PRTG: variants seen among roughly 807,000 people sequenced by gnomAD.
The protein encoded by PRTG is protogenin.
A neutral mutation model predicts 122.5 loss-of-function variants in PRTG; 67 were observed. The ratio of observed to expected loss-of-function variants is 0.55; its 90% CI spans 0.45 to 0.67. The LOEUF (loss-of-function observed/expected upper bound fraction) is 0.67, where lower values mean the gene tolerates loss of function less well. Ranked by LOEUF, PRTG falls within the 30% of genes least tolerant of loss-of-function variation. The probability of loss-of-function intolerance (pLI) is 0.00; values close to 1 mark genes in which losing one functional copy is unlikely to be tolerated. For missense variants in PRTG, 1,435 were observed against 1,415.4 expected (o/e 1.01, Z -0.22); for synonymous variants, 554 against 501.1 (o/e 1.11, Z -1.41).
At chr15:55,694,149 G>A (rs761697870) in intron 2 of PRTG, among the ~76,000 whole-genome samples, 1 of 152,282 alleles carries the variant, frequency 6.6e-6, no homozygotes, top group East Asian at 1.9e-4. Flanking sequence ...AAATTAAAAA[G>A]AGATAGGTAA....
chr15:55,725,848 T>C (rs755932238), intron 2 of PRTG, among the ~76,000 whole-genome samples: 3 of 152,218 alleles, frequency 2.0e-5, no homozygotes, highest in African/African-American at 7.2e-5. Flanking sequence ...CGCAGCTCAC[T>C]GCAACCTCTG....
rs975529774 is a variant in PRTG, at chr15:55,616,885, T to C, written c.*3127A>G. The C allele has an allele frequency of 6.6e-6, 1 of 152,122 alleles. No individual in the cohort carries two copies. The highest frequency in any genetic ancestry group is 2.4e-5 in the African/African-American group (1 of 41,460). 9.4% of individuals were successfully genotyped at this position (152,122 alleles called of 1,614,324 possible). A position where few individuals can be genotyped will look rare whatever the true frequency, so the allele number is the denominator to read the frequency against. On this transcript the variant is annotated 3_prime_UTR_variant, in exon 20 of 20. Coordinates refer to ENST00000389286, the MANE Select transcript of PRTG (RefSeq NM_173814.6). ...AATTTATTTCAAATCTGCTCATCTT[T>C]ACTTACTTACAGGCTAACCTATACA...
Position 55,628,849 on chromosome 15 carries a change from T to C in PRTG, c.2779A>G (p.Lys927Glu). The C allele has an allele frequency of 6.2e-7, 1 of 1,613,802 alleles. No homozygotes were observed. Among genetic ancestry groups the C allele is most frequent in the Non-Finnish European group, 8.5e-7 (1 of 1,179,798 alleles). ...KETSESNQRP[K>E]RLDSADAKVY... ...TTGGCATCAGCAGAATCTAAACGCT[T>C]GGGCCTCTGATTTGATTCAGAGGTT... is the stretch of plus-strand genomic sequence containing the variant. Residue 927 changes from lysine to glutamate, a missense_variant, in exon 16 of 20, where the codon AAG (lysine) becomes GAG (glutamate). Coordinates refer to ENST00000389286, the MANE Select transcript of PRTG (RefSeq NM_173814.6).
chr15:55,672,446 T>C lies in PRTG; in HGVS notation c.2040A>G (p.Leu680=), dbSNP rs199658038. 1.4e-4 allele frequency: 219 copies of C among 1,611,844 alleles called. No homozygotes were observed. In the African/African-American group the frequency reaches 2.6e-3, roughly 19 times the overall value. ...TKDLLYTLSG[L]DPRRKYHVRL... Reference sequence around the variant, plus strand: ...AAAATACAGTACAAACTCACTCACCTAAGCCACTGAGAGTATAGAGTAGGT... The same window carrying C: ...AAAATACAGTACAAACTCACTCACCCAAGCCACTGAGAGTATAGAGTAGGT... The change falls in exon 11 of 20, where the codon TTA becomes TTG. Residue 680 remains leucine (L), a splice_region_variant and synonymous_variant. Coordinates refer to ENST00000389286, the MANE Select transcript of PRTG (RefSeq NM_173814.6).
At chr15:55,701,954 T>C (rs1353290301) in intron 2 of PRTG, among the ~76,000 whole-genome samples, 58 of 152,156 alleles carry the variant, frequency 3.8e-4, no homozygotes, top group Admixed American at 3.8e-3. Context: ...GACTATATAG[T>C]ACAGCCTGAG....
chr15:55,680,396 G>A (rs909488055), intron 5 of PRTG, 95 bp downstream of exon 5: 2 of 1,334,886 alleles, frequency 1.5e-6, no homozygotes, highest in African/African-American at 1.5e-5. Flanking sequence ...AGCCAAACCT[G>A]TGTTTTTGTA....
intron 2 of PRTG, among the ~76,000 whole-genome samples, chr15:55,731,996 T>G (rs2031250282): frequency 6.6e-6 from 1 of 152,158 alleles, no homozygotes; most frequent in African/African-American, 2.4e-5. Flanking sequence ...GCTACAAACC[T>G]GTGCAGCATG....
chr15:55,625,848 C>G (rs2059191816), intron 17 of PRTG, among the ~76,000 whole-genome samples: 1 of 152,034 alleles, frequency 6.6e-6, no homozygotes, highest in African/African-American at 2.4e-5. Context: ...GTCTTGAACT[C>G]CCGACCTCAG....
chr15:55,729,968 T>A (rs2031171737), intron 2 of PRTG, among the ~76,000 whole-genome samples: 1 of 152,194 alleles, frequency 6.6e-6, no homozygotes. Flanking sequence ...AAAATAGAAA[T>A]GCATTAGCAA....
In PRTG at chr15:55,648,533, A is replaced by T. The variant is rs8038564; in HGVS notation, c.2042-7325T>A. Reference sequence around the variant, plus strand: ...CCGGCATTTTACTTGAAAAACTTGCATTTCTGTTCTCCATCACTAGATGGC... The same window carrying T: ...CCGGCATTTTACTTGAAAAACTTGCTTTTCTGTTCTCCATCACTAGATGGC... On this transcript the variant is annotated intron_variant, in intron 11 of 19. Coordinates refer to ENST00000389286, the MANE Select transcript of PRTG (RefSeq NM_173814.6). Among the ~76,000 whole-genome samples, 1,380 of 152,330 alleles carry T rather than the reference A, an allele frequency of 9.1e-3. 15 individuals are homozygous for T. The highest frequency in any genetic ancestry group is 0.032 in the African/African-American group (1,314 of 41,578).
intron 2 of PRTG, among the ~76,000 whole-genome samples, chr15:55,714,567 A>T (rs538373659): frequency 6.6e-6 from 1 of 151,812 alleles, no homozygotes; most frequent in African/African-American, 2.4e-5. Flanking sequence ...ATAGAGAAAG[A>T]GCTTCAGATG....
intron 11 of PRTG, among the ~76,000 whole-genome samples, chr15:55,645,883 A>C (rs1394530818): frequency 6.6e-6 from 1 of 152,188 alleles, no homozygotes; most frequent in Non-Finnish European, 1.5e-5. Context: ...ACAGCCACAA[A>C]CAGGGCAGGC....
Position 55,673,538 on chromosome 15 carries a change from T to C in PRTG, c.1685A>G (p.Asn562Ser), listed in dbSNP as rs1567093490. The C allele has an allele frequency of 6.2e-6, 10 of 1,614,056 alleles. No homozygotes were observed. The highest frequency in any genetic ancestry group is 8.5e-6 in the Non-Finnish European group (10 of 1,179,994). The change falls in exon 10 of 20, where the codon AAT (asparagine) becomes AGT (serine). Residue 562 changes from asparagine to serine, a missense_variant. By Grantham distance (46) the Asn-to-Ser change is conservative. Transcript: ENST00000389286. ...YRLSFRLSTE[N>S]SIQVLELPGT... ...CGGGAGCTCCAGAACTTGGATTGAA[T>C]TCTCAGTACTTAGGCGGAAAGACAA...
chr15:55,654,100 T>C (rs139599211), intron 11 of PRTG, among the ~76,000 whole-genome samples: 130 of 152,268 alleles, frequency 8.5e-4, no homozygotes, highest in East Asian at 8.3e-3. Context: ...CCCACAAACA[T>C]GGTTTTTGAT....
chr15:55,695,326 T>G (rs1172313855), intron 2 of PRTG, among the ~76,000 whole-genome samples: 3 of 152,208 alleles, frequency 2.0e-5, no homozygotes, highest in Non-Finnish European at 4.4e-5. Context: ...ATAAAAATGA[T>G]GAATACAGTC....
intron 3 of PRTG, 51 bp from the exon 4 acceptor site, chr15:55,682,548 A>T (rs550226): frequency 0.33 from 170,105 of 523,130 alleles, 19,193 homozygotes; most frequent in East Asian, 0.59. Flanking sequence ...TTCATATTTT[A>T]TTTATTTATT....
chr15:55,639,548 GC>G (rs776905342), intron 13 of PRTG, 93 bp downstream of exon 13: 18 of 1,100,016 alleles, frequency 1.6e-5, no homozygotes, highest in Non-Finnish European at 2.3e-5. Flanking sequence ...TACAGGTGAA[GC>G]CCGAGCTGGG....
chr15:55,661,964 A>C (rs2059412527), intron 11 of PRTG, among the ~76,000 whole-genome samples: 1 of 152,070 alleles, frequency 6.6e-6, no homozygotes, highest in Non-Finnish European at 1.5e-5. Flanking sequence ...AACAAGACAG[A>C]TGTTTTTCAC....
At chr15:55,691,765 C>T (rs933349277) in intron 2 of PRTG, among the ~76,000 whole-genome samples, 2 of 151,556 alleles carry the variant, frequency 1.3e-5, no homozygotes, top group Non-Finnish European at 2.9e-5. Context: ...ACTGGAAGTT[C>T]AAAACTATGG....
Sources: gnomAD v4.1 joint callset for allele counts (sites outside exome capture counted in the v4.1 genomes callset) on GRCh38, gnomAD v4.1.1 for gene constraint, MANE v1.5 for transcripts, NCBI Gene and HGNC (gene_info 2026-07-23, HGNC 2026-07-21) for gene names.